NBAS: variants seen among roughly 807,000 people sequenced by gnomAD.
NBAS encodes the protein NAG/BC035112 fusion.
A neutral mutation model predicts 302.5 loss-of-function variants in NBAS; 219 were observed. That is an observed-to-expected ratio of 0.72 (90% CI 0.65 to 0.81). NBAS has a LOEUF of 0.81. NBAS is among the 30% of genes least tolerant of loss of function. The probability of loss-of-function intolerance (pLI) is 0.00; values close to 1 mark genes in which losing one functional copy is unlikely to be tolerated. For missense variants in NBAS, 2,932 were observed against 2,841.6 expected (o/e 1.03, Z -0.72); for synonymous variants, 1,118 against 1,021.6 (o/e 1.09, Z -1.80).
intron 35 of NBAS, among the ~76,000 whole-genome samples, chr2:15,334,157 G>C (rs930986674): frequency 6.6e-6 from 1 of 151,334 alleles, no homozygotes. Context: ...CAGACAACTG[G>C]CCTAGAGGTG....
the NBAS span, among the ~76,000 whole-genome samples, chr2:14,989,743 T>C: frequency 0.088 from 13,373 of 152,004 alleles, 1,524 homozygotes; most frequent in African/African-American, 0.26. Flanking sequence ...CAGCATCAAT[T>C]GACATGTAGA....
chr2:15,131,884 G>C, the NBAS span, among the ~76,000 whole-genome samples: 1 of 152,104 alleles, frequency 6.6e-6, no homozygotes, highest in Non-Finnish European at 1.5e-5. Flanking sequence ...GAGCAAGGGA[G>C]GGGGTGGTGC....
the NBAS span, among the ~76,000 whole-genome samples, chr2:14,809,519 T>C: frequency 2.0e-5 from 3 of 152,204 alleles, no homozygotes; most frequent in Admixed American, 2.0e-4. Flanking sequence ...AAGTCAAGAA[T>C]TGAGGTTTGG....
At chr2:14,968,616 C>T in the NBAS span, among the ~76,000 whole-genome samples, 1 of 152,114 alleles carries the variant, frequency 6.6e-6, no homozygotes, top group Non-Finnish European at 1.5e-5. Flanking sequence ...CATGTTTAGT[C>T]ATTAGGGAAA....
At chr2:14,784,628 T>C in the NBAS span, among the ~76,000 whole-genome samples, 1 of 152,180 alleles carries the variant, frequency 6.6e-6, no homozygotes, top group Non-Finnish European at 1.5e-5. Flanking sequence ...CAGATAGTTG[T>C]AGATATGCGG....
At chr2:15,407,713 C>A (rs1401221433) in intron 25 of NBAS, among the ~76,000 whole-genome samples, 1 of 152,138 alleles carries the variant, frequency 6.6e-6, no homozygotes, top group Non-Finnish European at 1.5e-5. Context: ...TAGCCTTATA[C>A]ATTATTTGTA....
At position 15,407,996 on chromosome 2, in the gene NBAS, G is replaced by A. The variant is rs562959967; in HGVS notation, c.2938-5695C>T. On this transcript the variant is annotated intron_variant, in intron 25 of 51. Coordinates refer to ENST00000281513, the MANE Select transcript of NBAS (RefSeq NM_015909.4). ...CTATCTTCAAAGACAGCAACAATCT[G>A]ACAATTCTATAGCATCCTGACCACA... Among the ~76,000 whole-genome samples, 9 of 152,204 alleles carry A rather than the reference G, an allele frequency of 5.9e-5. No homozygotes were observed. In the East Asian group the frequency reaches 1.5e-3, roughly 26 times the overall value.
Position 15,461,240 on chromosome 2 carries a change from G to A in NBAS, c.2300C>T (p.Thr767Ile), listed in dbSNP as rs779702247. The change falls in exon 21 of 52, where the codon ACT becomes ATT. Residue 767 changes from threonine (T) to isoleucine (I), a missense_variant. Transcript: ENST00000281513. Reference sequence around the variant, plus strand: ...CAAAACAGAATATTCATGTGGAGAAGTGGTCTCTGGAAAGTTGGACAGAAT... The same window carrying A: ...CAAAACAGAATATTCATGTGGAGAAATGGTCTCTGGAAAGTTGGACAGAAT... ...LAILSNFPET[T>I]SPHEYSVLLP... 6.2e-7 allele frequency: 1 copy of A among 1,613,888 alleles called. No homozygotes were observed. The highest frequency in any genetic ancestry group is 8.5e-7 in the Non-Finnish European group (1 of 1,179,850).
the NBAS span, among the ~76,000 whole-genome samples, chr2:15,084,040 C>A: frequency 1.4e-5 from 2 of 146,118 alleles, no homozygotes; most frequent in African/African-American, 5.0e-5. Context: ...TGAACAATTG[C>A]TTTTTTTTTT....
intron 36 of NBAS, among the ~76,000 whole-genome samples, chr2:15,329,162 C>A (rs1672206891): frequency 6.6e-6 from 1 of 152,184 alleles, no homozygotes; most frequent in African/African-American, 2.4e-5. Flanking sequence ...AAAAGGAATT[C>A]ACCCATTCCT....
chr2:14,988,199 C>G, the NBAS span, among the ~76,000 whole-genome samples: 1 of 152,202 alleles, frequency 6.6e-6, no homozygotes, highest in Non-Finnish European at 1.5e-5. Flanking sequence ...ATTTTACCAA[C>G]TCTTTTCTTG....
intron 3 of NBAS, among the ~76,000 whole-genome samples, chr2:15,554,999 A>C (rs1056110518): frequency 1.3e-5 from 2 of 152,196 alleles, no homozygotes; most frequent in Admixed American, 6.5e-5. Context: ...CGAAGAAATC[A>C]AGAAAACAGA....
chr2:14,898,733 T>C, the NBAS span, among the ~76,000 whole-genome samples: 1 of 152,180 alleles, frequency 6.6e-6, no homozygotes, highest in Non-Finnish European at 1.5e-5. Flanking sequence ...ACCGAACTTG[T>C]TCCTCCTTGT....
the NBAS span, among the ~76,000 whole-genome samples, chr2:14,952,292 G>T: frequency 6.6e-6 from 1 of 152,242 alleles, no homozygotes; most frequent in Non-Finnish European, 1.5e-5. Context: ...GGCTGTAGAA[G>T]AGCCCCAAAG....
chr2:14,906,513 C>T, the NBAS span, among the ~76,000 whole-genome samples: 19 of 152,278 alleles, frequency 1.2e-4, no homozygotes, highest in African/African-American at 4.1e-4. Context: ...CAAAGGCACA[C>T]GCTGTTCCTG....
chr2:15,403,034 T>C (rs937355442), intron 25 of NBAS, among the ~76,000 whole-genome samples: 1 of 149,850 alleles, frequency 6.7e-6, no homozygotes, highest in Non-Finnish European at 1.5e-5. Context: ...GAAAAATAAA[T>C]ACAGCAAAAA....
At chr2:15,178,405 T>C (rs1207026892) in intron 51 of NBAS, among the ~76,000 whole-genome samples, 1 of 152,170 alleles carries the variant, frequency 6.6e-6, no homozygotes, top group African/African-American at 2.4e-5. Context: ...AAATTTTAAA[T>C]GAGAAGAGAA....
the NBAS span, among the ~76,000 whole-genome samples, chr2:15,158,108 T>C: frequency 6.6e-6 from 1 of 152,140 alleles, no homozygotes; most frequent in Non-Finnish European, 1.5e-5. Flanking sequence ...AATGACCTTA[T>C]TCCCTTAGGA....
At chr2:15,497,712 G>A (rs1182412720) in intron 11 of NBAS, among the ~76,000 whole-genome samples, 1 of 152,076 alleles carries the variant, frequency 6.6e-6, no homozygotes, top group Non-Finnish European at 1.5e-5. Context: ...GACTTCTTGG[G>A]ATCTGAAAGG....
Sources: gnomAD v4.1 joint callset for allele counts (sites outside exome capture counted in the v4.1 genomes callset) on GRCh38, gnomAD v4.1.1 for gene constraint, MANE v1.5 for transcripts, NCBI Gene and HGNC (gene_info 2026-07-23, HGNC 2026-07-21) for gene names.